KCNMB2: variants seen among roughly 807,000 people sequenced by gnomAD.
KCNMB2 encodes the protein calcium-activated potassium channel subunit beta-2.
Under a neutral mutation model 24.5 loss-of-function variants are expected in KCNMB2, and 9 were observed. The ratio of observed to expected loss-of-function variants is 0.37; its 90% CI spans 0.22 to 0.64. The LOEUF is 0.64. KCNMB2 is among the 30% of genes least tolerant of loss of function. The pLI, the probability that KCNMB2 is intolerant of heterozygous loss-of-function variation, is 0.63. For synonymous variants in KCNMB2, 109 were observed against 104.4 expected (o/e 1.04, Z -0.27); for missense variants, 226 against 284.3 (o/e 0.79, Z 1.47).
chr3:178,638,575 C>T (rs1318166317), intron 1 of KCNMB2, among the ~76,000 whole-genome samples: 1 of 152,204 alleles, frequency 6.6e-6, no homozygotes, highest in Non-Finnish European at 1.5e-5. Context: ...TGGCACTTCT[C>T]ACTTTTTATG....
chr3:178,748,970 A>C (rs1723756049), intron 1 of KCNMB2: 2 of 152,200 alleles, frequency 1.3e-5, no homozygotes, highest in South Asian at 4.1e-4. Context: ...CAGTTTAGCA[A>C]ATCAATGGCT....
chr3:178,569,450 C>T (rs904544227), intron 1 of KCNMB2, among the ~76,000 whole-genome samples: 1 of 152,120 alleles, frequency 6.6e-6, no homozygotes, highest in Non-Finnish European at 1.5e-5. Flanking sequence ...GAGGCAATTT[C>T]CAAATGAAAA....
chr3:178,813,418 T>C (rs1262801374), intron 2 of KCNMB2, among the ~76,000 whole-genome samples: 2 of 152,234 alleles, frequency 1.3e-5, no homozygotes, highest in Non-Finnish European at 2.9e-5. Context: ...ATGTTATATA[T>C]GTGTTTTTAC....
At chr3:178,729,079 G>A (rs567373401) in intron 1 of KCNMB2, among the ~76,000 whole-genome samples, 30 of 152,156 alleles carry the variant, frequency 2.0e-4, no homozygotes, top group Admixed American at 8.5e-4. Context: ...TACCAGGTTA[G>A]AAAATCTTCA....
At chr3:178,700,422 C>T (rs990314477) in intron 1 of KCNMB2, among the ~76,000 whole-genome samples, 7 of 152,214 alleles carry the variant, frequency 4.6e-5, no homozygotes, top group African/African-American at 4.8e-5. Flanking sequence ...TTATAGCCTC[C>T]TATCCTTACC....
intron 1 of KCNMB2, among the ~76,000 whole-genome samples, chr3:178,570,683 GA>G (rs1716745844): frequency 6.6e-6 from 1 of 151,672 alleles, no homozygotes; most frequent in African/African-American, 2.4e-5. Context: ...AAGAACAAGT[GA>G]AAAAAGGAGC....
At chr3:178,834,268 C>G (rs6809354) in intron 4 of KCNMB2, among the ~76,000 whole-genome samples, 1,893 of 152,210 alleles carry the variant, frequency 0.012, 29 homozygotes, top group African/African-American at 0.044. Flanking sequence ...AAGGTGAGCT[C>G]AGAATAATAA....
chr3:178,543,950 A>C (rs1577000130), intron 1 of KCNMB2, among the ~76,000 whole-genome samples: 2 of 152,078 alleles, frequency 1.3e-5, no homozygotes, highest in East Asian at 3.8e-4. Flanking sequence ...ATGCTGTGAT[A>C]TTTGGTTCAC....
At chr3:178,760,832 T>C (rs1055981033) in intron 1 of KCNMB2, among the ~76,000 whole-genome samples, 1 of 151,876 alleles carries the variant, frequency 6.6e-6, no homozygotes, top group African/African-American at 2.4e-5. Context: ...ATAGAAAAAA[T>C]ACATGTAAGT....
chr3:178,718,382 T>C (rs1296505079), intron 1 of KCNMB2, among the ~76,000 whole-genome samples: 3 of 152,348 alleles, frequency 2.0e-5, no homozygotes, highest in South Asian at 4.1e-4. Flanking sequence ...TCTATCTCTG[T>C]ATGTATGCAT....
intron 1 of KCNMB2, among the ~76,000 whole-genome samples, chr3:178,661,492 C>G (rs1392182101): frequency 6.6e-6 from 1 of 152,066 alleles, no homozygotes; most frequent in Non-Finnish European, 1.5e-5. Flanking sequence ...GTGAGCTATA[C>G]AGTCTCTCTT....
chr3:178,586,378 A>G (rs1717428019), intron 1 of KCNMB2, among the ~76,000 whole-genome samples: 1 of 152,188 alleles, frequency 6.6e-6, no homozygotes, highest in Non-Finnish European at 1.5e-5. Flanking sequence ...GCACGTCAGG[A>G]AGTCTAAAGA....
chr3:178,680,526 A>G (rs987227154), intron 1 of KCNMB2, among the ~76,000 whole-genome samples: 1 of 152,172 alleles, frequency 6.6e-6, no homozygotes, highest in Non-Finnish European at 1.5e-5. Context: ...AACTCTTTAT[A>G]TTACATTTTA....
chr3:178,773,139 AG>A (rs1416533485), intron 1 of KCNMB2, among the ~76,000 whole-genome samples: 1 of 152,186 alleles, frequency 6.6e-6, no homozygotes, highest in Non-Finnish European at 1.5e-5. Context: ...CGGATCACAC[AG>A]TCACGGCAAC....
intron 1 of KCNMB2, among the ~76,000 whole-genome samples, chr3:178,566,519 A>T (rs750078380): frequency 2.0e-5 from 3 of 152,154 alleles, no homozygotes; most frequent in Non-Finnish European, 4.4e-5. Context: ...GCCATTCAAA[A>T]ACTTTCTCCA....
At chr3:178,801,556 G>T (rs1246170439) in intron 1 of KCNMB2, among the ~76,000 whole-genome samples, 3 of 152,146 alleles carry the variant, frequency 2.0e-5, no homozygotes, top group Non-Finnish European at 4.4e-5. Flanking sequence ...AGTAGTACTT[G>T]CCAGTTCCCA....
chr3:178,686,255 C>A (rs1012128340), intron 1 of KCNMB2, among the ~76,000 whole-genome samples: 1 of 152,110 alleles, frequency 6.6e-6, no homozygotes, highest in African/African-American at 2.4e-5. Context: ...TTCTACGTGG[C>A]ATGGGAGACT....
chr3:178,756,257 C>T (rs928306377), intron 1 of KCNMB2, among the ~76,000 whole-genome samples: 14 of 149,420 alleles, frequency 9.4e-5, no homozygotes, highest in Admixed American at 6.7e-4. Context: ...TGTGTGTATG[C>T]GTGTGTGTGT....
intron 1 of KCNMB2, among the ~76,000 whole-genome samples, chr3:178,744,338 T>C (rs1723591510): frequency 6.6e-6 from 1 of 152,222 alleles, no homozygotes; most frequent in African/African-American, 2.4e-5. Flanking sequence ...CCTTCTGTTT[T>C]TCAACAAAAG....
Sources: gnomAD v4.1 joint callset for allele counts (sites outside exome capture counted in the v4.1 genomes callset) on GRCh38, gnomAD v4.1.1 for gene constraint, MANE v1.5 for transcripts, NCBI Gene and HGNC (gene_info 2026-07-23, HGNC 2026-07-21) for gene names.